DUS1L: variants seen among roughly 807,000 people sequenced by gnomAD.
DUS1L encodes tRNA-dihydrouridine(16/17) synthase [NAD(P)(+)]-like.
In DUS1L, 56 loss-of-function variants were observed where a neutral mutation model predicts 61.2. The observed-to-expected ratio is 0.92, with a 90% CI of 0.74 to 1.14. DUS1L has a LOEUF of 1.14. Among genes scored for constraint, DUS1L ranks in the 50% most tolerant of loss-of-function variants. The probability of loss-of-function intolerance (pLI) is 0.00; values close to 1 mark genes in which losing one functional copy is unlikely to be tolerated. For missense variants in DUS1L, 630 were observed against 632.4 expected, an observed-to-expected ratio of 1.00 and a Z score of 0.04; for synonymous variants, 278 against 259.5, an observed-to-expected ratio of 1.07 and a Z score of -0.69.
At position 82,058,192 on chromosome 17, in the gene DUS1L, C is replaced by T; in HGVS notation, c.1345G>A (p.Glu449Lys). The change falls in exon 14 of 14, where the codon GAG becomes AAG. Residue 449 changes from glutamate to lysine, a missense_variant. By Grantham distance (56) the Glu-to-Lys change is moderately conservative. Transcript: ENST00000306796. ...KSLAWKEAQP[E>K]LQEPQPAAPG... is the part of the protein sequence containing the mutation. ...GCTGCTGGCTGAGGCTCCTGCAGCT[C>T]AGGCTGGGCCTCTTTCCAGGCCAGA... is the stretch of plus-strand genomic sequence containing the variant. 6.2e-7 allele frequency: 1 copy of T among 1,600,860 alleles called. No homozygotes were observed. The highest frequency in any genetic ancestry group is 1.3e-5 in the African/African-American group (1 of 74,778).
At chr17:82,059,074 C>T in intron 11 of DUS1L, 1 of 549,826 alleles carries the variant, frequency 1.8e-6, no homozygotes, top group South Asian at 2.1e-5. Context: ...GGGGCCGCCG[C>T]AGGACGAGCA....
Position 82,058,005 on chromosome 17 carries a change from G to A in DUS1L, c.*110C>T, listed in dbSNP as rs919327144. The A allele has an allele frequency of 7.3e-6, 10 of 1,364,290 alleles. No individual in the cohort carries two copies. The highest frequency in any genetic ancestry group is 2.6e-5 in the East Asian group (1 of 38,960). The allele number at this position is 1,364,290 out of a possible 1,614,324, so 84.5% of individuals were successfully genotyped here. ...CAGAGTGGGCCGAAGGGGGACATGG[G>A]CGTGTCTTTCCACATTAAGTAGCAG... On this transcript the variant is annotated 3_prime_UTR_variant, in exon 14 of 14. Transcript: ENST00000306796.
chr17:82,063,436 G>C lies in DUS1L; in HGVS notation c.397+32C>G, dbSNP rs370201257. 4.3e-6 allele frequency: 7 copies of C among 1,613,646 alleles called. No individual in the cohort carries two copies. In the African/African-American group the frequency reaches 9.3e-5, roughly 21 times the overall value. Reference sequence around the variant, plus strand: ...CATGTGTCCCTCTTGAGGGTCTCTGGGGGTCCTTCACCATCCACCCAGCCA... The same window carrying C: ...CATGTGTCCCTCTTGAGGGTCTCTGCGGGTCCTTCACCATCCACCCAGCCA... On this transcript the variant is annotated intron_variant, in intron 4 of 13. Coordinates refer to ENST00000306796, the MANE Select transcript of DUS1L (RefSeq NM_022156.5).
At chr17:82,060,129 T>C (rs2144723961) in intron 10 of DUS1L, 36 bp from the exon 11 acceptor site, 4 of 1,599,404 alleles carry the variant, frequency 2.5e-6, no homozygotes, top group South Asian at 1.1e-5. Flanking sequence ...CCAAGGACAC[T>C]GTGAGAGGGG....
In DUS1L at chr17:82,058,202, C is replaced by T. The variant is rs1352999199; in HGVS notation, c.1335G>A (p.Glu445=). ...GAGGCTCCTGCAGCTCAGGCTGGGC[C>T]TCTTTCCAGGCCAGAGACTTCTCCA... ...TKLEKSLAWK[E]AQPELQEPQP... Residue 445 remains glutamate, a synonymous_variant, in exon 14 of 14, where the codon GAG becomes GAA. Coordinates refer to ENST00000306796, the MANE Select transcript of DUS1L (RefSeq NM_022156.5). 1.2e-6 allele frequency: 2 copies of T among 1,600,962 alleles called. No individual in the cohort carries two copies. Among genetic ancestry groups the T allele is most frequent in the South Asian group, 1.1e-5 (1 of 90,400 alleles).
intron 11 of DUS1L, 128 bp from the exon 12 acceptor site, chr17:82,058,946 G>T: frequency 1.2e-6 from 1 of 864,246 alleles, no homozygotes; most frequent in Non-Finnish European, 1.9e-6. Context: ...AGGCCAGGAG[G>T]CTCAGGGAGG....
rs756726730 is a variant in DUS1L at position 82,061,936 on chromosome 17, C to T, written c.558G>A (p.Ser186=). 44 of 1,610,902 alleles carry T rather than the reference C, an allele frequency of 2.7e-5. No homozygotes were observed. The highest frequency in any genetic ancestry group is 3.3e-4 in the Middle Eastern group (2 of 6,050). Residue 186 remains serine (S), a synonymous_variant, in exon 6 of 14, where the codon TCG becomes TCA. Transcript: ENST00000306796. ...GRTKEQKGPL[S]GAASWEHIKA... is the part of the protein sequence containing the mutation. ...TGATATGCTCCCAGGACGCTGCACC[C>T]GACAGGGGCCCCTTCTGCTCCTTGG...
At position 82,060,767 on chromosome 17, in the gene DUS1L, T is replaced by C. The variant is rs1360099041; in HGVS notation, c.956A>G (p.Gln319Arg). 6.2e-7 allele frequency: 1 copy of C among 1,612,642 alleles called. No individual in the cohort carries two copies. ...KLRCQEEISR[Q>R]EGAKPTGDLP... ...GTCGCCGGTGGGCTTCGCTCCCTCC[T>C]GCCTGGATATCTCCTCCTGCAAAAG... Residue 319 changes from glutamine to arginine, a missense_variant, in exon 10 of 14, where the codon CAG becomes CGG. Gln to Arg is a conservative substitution (Grantham distance 43). Transcript: ENST00000306796.
chr17:82,064,368 G>A (rs905810241), intron 2 of DUS1L, 134 bp from the exon 3 acceptor site: 27 of 707,818 alleles, frequency 3.8e-5, no homozygotes, highest in Admixed American at 1.3e-4. Context: ...TCTGTCCTGC[G>A]GAGGCTTACA....
At position 82,060,557 on chromosome 17, in the gene DUS1L, C is replaced by G. The variant is rs1474232837; in HGVS notation, c.1022+144G>C. On this transcript the variant is annotated intron_variant, in intron 10 of 13. Coordinates refer to ENST00000306796, the MANE Select transcript of DUS1L (RefSeq NM_022156.5). Reference sequence around the variant, plus strand: ...GTGGAAGGTGTGTGCTGCTCGGAGCCGAGGCCTCCCTCCTCCTTTCCCTTG... The same window carrying G: ...GTGGAAGGTGTGTGCTGCTCGGAGCGGAGGCCTCCCTCCTCCTTTCCCTTG... The G allele has an allele frequency of 3.7e-6, 4 of 1,093,076 alleles. No individual in the cohort carries two copies. In the East Asian group the frequency reaches 1.0e-4, roughly 28 times the overall value. 67.7% of individuals were successfully genotyped at this position (1,093,076 alleles called of 1,614,324 possible). A position where few individuals can be genotyped will look rare whatever the true frequency, so the allele number is the denominator to read the frequency against.
rs565120799 is a variant in DUS1L, at chr17:82,058,985, T to C, written c.1169-167A>G. On this transcript the variant is annotated intron_variant, in intron 11 of 13. Coordinates refer to ENST00000306796, the MANE Select transcript of DUS1L (RefSeq NM_022156.5). ...GAGGATGCAGGCTGGCCACGTCTGC[T>C]TTTCCTTCCGTGAGCAATGGGTGAG... 36 of 646,966 alleles carry C rather than the reference T, an allele frequency of 5.6e-5. No individual in the cohort carries two copies. The Middle Eastern group carries it at 1.2e-3, about 22-fold the overall frequency. 40.1% of individuals were successfully genotyped at this position (646,966 alleles called of 1,614,324 possible).
rs760875335 is a variant in DUS1L, at chr17:82,060,926, G to A, written c.878C>T (p.Ala293Val). Residue 293 changes from alanine (A) to valine (V), a missense_variant, in exon 9 of 14, where the codon GCC becomes GTC. Ala to Val is a moderately conservative substitution (Grantham distance 64, BLOSUM62 0). Transcript: ENST00000306796. ...QVHQELREEL[A>V]KVKTLEGIAA... ...GATGCCCTCCAGGGTCTTCACCTTGGCCAGCTCCTCTCGCAGCTCCTGGTG... is the reference window on the plus strand; with the variant it reads ...GATGCCCTCCAGGGTCTTCACCTTGACCAGCTCCTCTCGCAGCTCCTGGTG... The A allele has an allele frequency of 3.7e-6, 6 of 1,610,870 alleles. No individual in the cohort carries two copies.
rs1257755892 is a variant in DUS1L at position 82,064,214 on chromosome 17, C to T, written c.258G>A (p.Glu86=). The change falls in exon 3 of 14, where the codon GAG becomes GAA. Residue 86 remains glutamate (E), a synonymous_variant. Coordinates refer to ENST00000306796, the MANE Select transcript of DUS1L (RefSeq NM_022156.5). The part of the protein sequence containing the change: ...LIVQFCANDP[E]VFVQAALLAQ... ...CCAGGAGAGCCGCCTGAACAAACAC[C>T]TCCGGGTCATTGGCACAGAACTGGA... The T allele has an allele frequency of 1.9e-6, 3 of 1,612,012 alleles. No individual in the cohort carries two copies. Among genetic ancestry groups the T allele is most frequent in the Non-Finnish European group, 2.5e-6 (3 of 1,179,786 alleles).
chr17:82,063,569 G>C, intron 3 of DUS1L, 51 bp from the exon 4 acceptor site: 2 of 1,610,098 alleles, frequency 1.2e-6, no homozygotes, highest in Non-Finnish European at 1.7e-6. Flanking sequence ...GGCTGGTGGG[G>C]CCGAAGCCTT....
In DUS1L at chr17:82,064,367, C is replaced by T. The variant is rs558736819; in HGVS notation, c.238-133G>A. The T allele has an allele frequency of 1.5e-4, 108 of 708,406 alleles. 2 individuals are homozygous for T. In the South Asian group the frequency reaches 1.8e-3, roughly 12 times the overall value. 43.9% of individuals were successfully genotyped at this position (708,406 alleles called of 1,614,324 possible). The stretch of plus-strand genomic sequence containing the variant: ...CACTGCAGGAGGGTGCTCTGTCCTG[C>T]GGAGGCTTACAATATGACAAAGCCG... On this transcript the variant is annotated intron_variant, in intron 2 of 13. Coordinates refer to ENST00000306796, the MANE Select transcript of DUS1L (RefSeq NM_022156.5).
intron 5 of DUS1L, 125 bp from the exon 6 acceptor site, chr17:82,062,108 C>T: frequency 1.2e-6 from 1 of 842,796 alleles, no homozygotes; most frequent in South Asian, 1.8e-5. Flanking sequence ...CCTCCCAGCC[C>T]TGTGCCCCAT....
intron 3 of DUS1L, among the ~76,000 whole-genome samples, chr17:82,063,909 G>A (rs1349544585): frequency 6.6e-6 from 1 of 152,236 alleles, no homozygotes; most frequent in Admixed American, 6.5e-5. Context: ...GGAGCTCCCT[G>A]AGGGAAGAGA....
chr17:82,060,400 C>T (rs1004269662), intron 10 of DUS1L: 6 of 575,700 alleles, frequency 1.0e-5, no homozygotes, highest in South Asian at 9.1e-5. Flanking sequence ...TCTTGACCCA[C>T]GGGCAAATCC....
chr17:82,060,158 A>G (rs1347412102), intron 10 of DUS1L, 65 bp from the exon 11 acceptor site: 1 of 1,566,136 alleles, frequency 6.4e-7, no homozygotes. Context: ...CCACAGCCAC[A>G]CGGGTCTGAG....
Sources: gnomAD v4.1 joint callset for allele counts (sites outside exome capture counted in the v4.1 genomes callset) on GRCh38, gnomAD v4.1.1 for gene constraint, MANE v1.5 for transcripts, NCBI Gene and HGNC (gene_info 2026-07-23, HGNC 2026-07-21) for gene names.